The following C4orf54 variants were observed in gnomAD, a reference collection of about 807,000 sequenced individuals.
The protein encoded by C4orf54 is chromosome 4 open reading frame 54.
C4orf54 carries 67 observed loss-of-function variants against 80.1 expected under a neutral mutation model. The observed-to-expected ratio is 0.84, with a 90% confidence interval of 0.69 to 1.03. The LOEUF (loss-of-function observed/expected upper bound fraction) is 1.03. C4orf54 is among the 50% of genes least tolerant of loss of function. The pLI, the probability that C4orf54 is intolerant of heterozygous loss-of-function variation, is 0.00. For missense variants in C4orf54, 2,434 were observed against 2,253.5 expected (o/e 1.08, Z -1.62); for synonymous variants, 1,000 against 917.0 (o/e 1.09, Z -1.64).
At position 99,651,291 on chromosome 4, in the gene C4orf54, C is replaced by T; in HGVS notation, c.3358G>A (p.Asp1120Asn). ...TGCTCTGGGGTAACACTGCCCTTGT[C>T]ACTACTATCCCCTGACCCTTTAATT... ...KLIKGSGDSS[D>N]KGSVTPEQGL... is the part of the protein sequence containing the mutation. Residue 1120 changes from aspartate to asparagine, a missense_variant, in exon 2 of 3, where the codon GAC (aspartate) becomes AAC (asparagine). Physicochemically the swap from Asp to Asn is conservative, Grantham distance 23. Transcript: ENST00000511828. 6.5e-7 allele frequency: 1 copy of T among 1,536,140 alleles called. No individual in the cohort carries two copies. The highest frequency in any genetic ancestry group is 2.0e-5 in the Admixed American group (1 of 51,006).
At chr4:99,643,794 C>CACA (rs1560634918) in intron 2 of C4orf54, among the ~76,000 whole-genome samples, 1,172 of 64,806 alleles carry the variant, frequency 0.018, 11 homozygotes, top group African/African-American at 0.031. Context: ...ACACACACAC[C>CACA]CCCTCCGCGG....
At position 99,650,033 on chromosome 4, in the gene C4orf54, G is replaced by A. The variant is rs1726776756; in HGVS notation, c.4616C>T (p.Pro1539Leu). The A allele has an allele frequency of 1.3e-6, 2 of 1,535,694 alleles. No homozygotes were observed. Among genetic ancestry groups the A allele is most frequent in the Non-Finnish European group, 1.7e-6 (2 of 1,146,780 alleles). ...RPAWRTKPDN[P>L]RETVAAPPGP... ...TGGGGGGGCAGCTACTGTCTCCCGG[G>A]GGTTGTCAGGTTTGGTACGCCAAGC... The change falls in exon 2 of 3, where the codon CCC (proline) becomes CTC (leucine). Residue 1539 changes from proline (P) to leucine (L), a missense_variant. Coordinates refer to ENST00000511828, the MANE Select transcript of C4orf54 (RefSeq NM_001354435.2).
At position 99,651,672 on chromosome 4, in the gene C4orf54, G is replaced by A; in HGVS notation, c.2977C>T (p.Pro993Ser). 6.5e-7 allele frequency: 1 copy of A among 1,535,994 alleles called. No individual in the cohort carries two copies. Among genetic ancestry groups the A allele is most frequent in the Non-Finnish European group, 8.7e-7 (1 of 1,146,870 alleles). ...TCCTTGGGTGTCTGCTGGATGTTGG[G>A]GACAAAGAGGCGAGACATGATGGTG... ...KNTIMSRLFV[P>S]NIQQTPKDKQ... The change falls in exon 2 of 3, where the codon CCC (proline) becomes TCC (serine). Residue 993 changes from proline (P) to serine (S), a missense_variant. Transcript: ENST00000511828.
Position 99,654,519 on chromosome 4 carries a change from A to G in C4orf54, c.130T>C (p.Tyr44His), listed in dbSNP as rs1014571238. The G allele has an allele frequency of 3.8e-5, 27 of 703,304 alleles. No individual in the cohort carries two copies. In the East Asian group the frequency reaches 7.2e-4, roughly 19 times the overall value. The allele number at this position is 703,304 out of a possible 1,614,324, so 43.6% of individuals were successfully genotyped here. A position where few individuals can be genotyped will look rare whatever the true frequency, so the allele number is the denominator to read the frequency against. ...GCCGAGACTGTGGCCAGTGTTCTGT[A>G]GCTGAGCTGTCCTGTCCAGTTGTTT... Reference protein sequence around the residue: ...QANNWTGQLSYRTLATVSAGA... With the variant: ...QANNWTGQLSHRTLATVSAGA... The change falls in exon 2 of 3, where the codon TAC (tyrosine) becomes CAC (histidine). Residue 44 changes from tyrosine (Y) to histidine (H), a missense_variant. Tyr to His is a moderately conservative substitution (Grantham distance 83, BLOSUM62 2). Transcript: ENST00000511828.
In C4orf54 at chr4:99,652,372, C is replaced by T. The variant is rs981256778; in HGVS notation, c.2277G>A (p.Glu759=). 4 of 1,535,998 alleles carry T rather than the reference C, an allele frequency of 2.6e-6. No individual in the cohort carries two copies. The highest frequency in any genetic ancestry group is 3.5e-6 in the Non-Finnish European group (4 of 1,146,906). Residue 759 remains glutamate (E), a synonymous_variant, in exon 2 of 3, where the codon GAG becomes GAA. Transcript: ENST00000511828. ...TLLEPLNVRS[E]SKASSAPGPG... is the part of the protein sequence containing the mutation. ...GCCCAGGGGCCGAGCTGGCTTTGCT[C>T]TCACTGCGTACATTCAGGGGCTCCA...
In C4orf54 at chr4:99,651,424, G is replaced by C. The variant is rs568204676; in HGVS notation, c.3225C>G (p.Leu1075=). The C allele has an allele frequency of 6.5e-7, 1 of 1,536,194 alleles. No individual in the cohort carries two copies. Among genetic ancestry groups the C allele is most frequent in the African/African-American group, 1.4e-5 (1 of 73,036 alleles). Reference sequence around the variant, plus strand: ...CTTTTTCTAGGTTGTCCCCGCGGAAGAGTTTCTGCTGTGCCCTGCTGTTGT... The same window carrying C: ...CTTTTTCTAGGTTGTCCCCGCGGAACAGTTTCTGCTGTGCCCTGCTGTTGT... ...IEDNSRAQQK[L]FRGDNLEKVP... is the part of the protein sequence containing the mutation. The change falls in exon 2 of 3, where the codon CTC becomes CTG. Residue 1075 remains leucine (L), a synonymous_variant. Coordinates refer to ENST00000511828, the MANE Select transcript of C4orf54 (RefSeq NM_001354435.2).
Position 99,638,937 on chromosome 4 carries a change from C to T in C4orf54, c.*2296G>A, listed in dbSNP as rs1418453022. The T allele has an allele frequency of 6.6e-6, 1 of 152,136 alleles. No homozygotes were observed. The highest frequency in any genetic ancestry group is 1.5e-5 in the Non-Finnish European group (1 of 68,000). The allele number at this position is 152,136 out of a possible 1,614,324, so 9.4% of individuals were successfully genotyped here. On this transcript the variant is annotated 3_prime_UTR_variant, in exon 3 of 3. Coordinates refer to ENST00000511828, the MANE Select transcript of C4orf54 (RefSeq NM_001354435.2). The stretch of plus-strand genomic sequence containing the variant: ...GGCAACTTCCTAAAAGGTGAAGCCT[C>T]TTGTATAGAACAAACAAATGAAAAG...
At position 99,650,273 on chromosome 4, in the gene C4orf54, T is replaced by C. The variant is rs985432485; in HGVS notation, c.4376A>G (p.Asn1459Ser). ...ACAGTCACTGTTGCTCTTCTCCAAA[T>C]TGCTGCCACTTTTCCTGTTGGTCAC... Reference protein sequence around the residue: ...DEVTNRKSGSNLEKSNSDCEN... With the variant: ...DEVTNRKSGSSLEKSNSDCEN... The change falls in exon 2 of 3, where the codon AAT becomes AGT. Residue 1459 changes from asparagine (N) to serine (S), a missense_variant. Transcript: ENST00000511828. 9.8e-6 allele frequency: 15 copies of C among 1,536,024 alleles called. No homozygotes were observed. Among genetic ancestry groups the C allele is most frequent in the Non-Finnish European group, 1.3e-5 (15 of 1,146,880 alleles).
In C4orf54 at chr4:99,638,863, C is replaced by T. The variant is rs926328471; in HGVS notation, c.*2370G>A. The T allele has an allele frequency of 6.6e-6, 1 of 152,034 alleles. No individual in the cohort carries two copies. The highest frequency in any genetic ancestry group is 6.6e-5 in the Admixed American group (1 of 15,258). 9.4% of individuals were successfully genotyped at this position (152,034 alleles called of 1,614,324 possible). A position where few individuals can be genotyped will look rare whatever the true frequency, so the allele number is the denominator to read the frequency against. ...GATAGATGACATGATATTAATAGAACATTATTTAAAAGTTGCGTTTTTAGC... is the reference window on the plus strand; with the variant it reads ...GATAGATGACATGATATTAATAGAATATTATTTAAAAGTTGCGTTTTTAGC... On this transcript the variant is annotated 3_prime_UTR_variant, in exon 3 of 3. Transcript: ENST00000511828.
rs956696785 is a variant in C4orf54, at chr4:99,652,181, C to T, written c.2468G>A (p.Arg823Gln). The T allele has an allele frequency of 4.6e-6, 7 of 1,535,926 alleles. No individual in the cohort carries two copies. Among genetic ancestry groups the T allele is most frequent in the African/African-American group, 4.1e-5 (3 of 73,036 alleles). Residue 823 changes from arginine (R) to glutamine (Q), a missense_variant, in exon 2 of 3, where the codon CGG becomes CAG. Transcript: ENST00000511828. ...LKNVISKKMQ[R>Q]EHEFKMERGE... ...CCTCTCCATTTTGAACTCGTGTTCC[C>T]GCTGCATCTTCTTGGAAATGACATT...
chr4:99,651,932 C>A lies in C4orf54; in HGVS notation c.2717G>T (p.Arg906Leu), dbSNP rs752047504. The change falls in exon 2 of 3, where the codon CGC becomes CTC. Residue 906 changes from arginine (R) to leucine (L), a missense_variant. Coordinates refer to ENST00000511828, the MANE Select transcript of C4orf54 (RefSeq NM_001354435.2). ...PVFKASTPRE[R>L]NAGPGRNFTD... ...GAAATTCCGGCCAGGGCCTGCGTTGCGCTCGCGAGGAGTACTGGCTTTGAA... is the reference window on the plus strand; with the variant it reads ...GAAATTCCGGCCAGGGCCTGCGTTGAGCTCGCGAGGAGTACTGGCTTTGAA... 5 of 1,536,128 alleles carry A rather than the reference C, an allele frequency of 3.3e-6. No homozygotes were observed. The highest frequency in any genetic ancestry group is 4.4e-6 in the Non-Finnish European group (5 of 1,146,916).
rs1405475389 is a variant in C4orf54 at position 99,649,988 on chromosome 4, T to A, written c.4661A>T (p.His1554Leu). ...CTGGTGGTAGATGGTGGTGGGGGGA[T>A]GCTCGGGGCTCTGTGGCCCTGGGGG... Reference protein sequence around the residue: ...AAPPGPQSPEHPPTTIYHQPP... With the variant: ...AAPPGPQSPELPPTTIYHQPP... Residue 1554 changes from histidine (H) to leucine (L), a missense_variant, in exon 2 of 3, where the codon CAT (histidine) becomes CTT (leucine). By Grantham distance (99) the His-to-Leu change is moderately conservative. Coordinates refer to ENST00000511828, the MANE Select transcript of C4orf54 (RefSeq NM_001354435.2). 2 of 1,530,096 alleles carry A rather than the reference T, an allele frequency of 1.3e-6. No individual in the cohort carries two copies. Among genetic ancestry groups the A allele is most frequent in the East Asian group, 2.5e-5 (1 of 40,456 alleles). 94.8% of individuals were successfully genotyped at this position (1,530,096 alleles called of 1,614,324 possible).
chr4:99,655,665 T>C (rs556874225), intron 1 of C4orf54, among the ~76,000 whole-genome samples: 7 of 152,256 alleles, frequency 4.6e-5, no homozygotes, highest in African/African-American at 1.4e-4. Context: ...GCAAGCAAAT[T>C]TGCCAGTCAA....
In C4orf54 at chr4:99,651,358, C is replaced by T. The variant is rs1726822226; in HGVS notation, c.3291G>A (p.Lys1097=). ...TCACCTGGTGGAGGGGGCCTTGAGC[C>T]TTGGACTTGTCTCTGATGTCTCTCA... ...FQVRDIRDKS[K]AQGPLHQVRD... Residue 1097 remains lysine, a synonymous_variant, in exon 2 of 3, where the codon AAG becomes AAA. Coordinates refer to ENST00000511828, the MANE Select transcript of C4orf54 (RefSeq NM_001354435.2). 2.6e-6 allele frequency: 4 copies of T among 1,536,056 alleles called. No individual in the cohort carries two copies. In the African/African-American group the frequency reaches 5.5e-5, roughly 21 times the overall value.
chr4:99,656,868 C>T (rs1432285938), intron 1 of C4orf54, among the ~76,000 whole-genome samples: 2 of 152,206 alleles, frequency 1.3e-5, no homozygotes, highest in African/African-American at 2.4e-5. Flanking sequence ...CTTCCATGCT[C>T]AAATACTCTG....
At position 99,653,291 on chromosome 4, in the gene C4orf54, G is replaced by A; in HGVS notation, c.1358C>T (p.Ala453Val). The change falls in exon 2 of 3, where the codon GCC becomes GTC. Residue 453 changes from alanine (A) to valine (V), a missense_variant. Transcript: ENST00000511828. ...RTPSPTSSDL[A>V]RPNAGRSGRD... is the part of the protein sequence containing the mutation. ...GCCACTGCGGCCTGCATTGGGGCGGGCCAGGTCGCTGCTTGTAGGGCTGGG... is the reference window on the plus strand; with the variant it reads ...GCCACTGCGGCCTGCATTGGGGCGGACCAGGTCGCTGCTTGTAGGGCTGGG... 1 of 1,531,118 alleles carries A rather than the reference G, an allele frequency of 6.5e-7. No homozygotes were observed. Among genetic ancestry groups the A allele is most frequent in the Non-Finnish European group, 8.7e-7 (1 of 1,143,664 alleles). The allele number at this position is 1,531,118 out of a possible 1,614,324, so 94.8% of individuals were successfully genotyped here. A position where few individuals can be genotyped will look rare whatever the true frequency, so the allele number is the denominator to read the frequency against.
intron 2 of C4orf54, among the ~76,000 whole-genome samples, chr4:99,648,350 A>G (rs1726734900): frequency 1.3e-5 from 2 of 152,094 alleles, no homozygotes; most frequent in Admixed American, 6.6e-5. Flanking sequence ...GAATCTATTT[A>G]CCCTGATTTC....
chr4:99,650,974 C>T lies in C4orf54; in HGVS notation c.3675G>A (p.Lys1225=), dbSNP rs1726809861. 1 of 1,536,144 alleles carries T rather than the reference C, an allele frequency of 6.5e-7. No individual in the cohort carries two copies. The highest frequency in any genetic ancestry group is 8.7e-7 in the Non-Finnish European group (1 of 1,146,918). ...TCTCTGGGGTCTTCTGGGTGGAAGC[C>T]TTGGAGACAATCTTGAGCACAGGCA... ...SYLPVLKIVS[K]ASTQKTPEKL... Residue 1225 remains lysine (K), a synonymous_variant, in exon 2 of 3, where the codon AAG becomes AAA. Transcript: ENST00000511828.
At chr4:99,643,792 A>ACACACACACACACACACACCCC (rs61130907) in intron 2 of C4orf54, among the ~76,000 whole-genome samples, 6 of 98,904 alleles carry the variant, frequency 6.1e-5, no homozygotes, top group Admixed American at 3.5e-4. Context: ...ACACACACAC[A>ACACACACACACACACACACCCC]CCCCCTCCGC....
Sources: gnomAD v4.1 joint callset for allele counts (sites outside exome capture counted in the v4.1 genomes callset) on GRCh38, gnomAD v4.1.1 for gene constraint, MANE v1.5 for transcripts, NCBI Gene and HGNC (gene_info 2026-07-23, HGNC 2026-07-21) for gene names.